The following SEC14L1 variants were observed in gnomAD, a reference collection of about 807,000 sequenced individuals.
SEC14L1 encodes SEC14 like lipid binding 1.
SEC14L1 carries 48 observed loss-of-function variants against 85.3 expected under a neutral mutation model. That is an observed-to-expected ratio of 0.56 (90% confidence interval 0.45 to 0.72). The LOEUF is 0.72. Among genes scored for constraint, SEC14L1 ranks in the 30% least tolerant of loss-of-function variants. SEC14L1 has a pLI of 0.00. For synonymous variants in SEC14L1, 391 were observed against 355.5 expected (o/e 1.10, Z -1.12); for missense variants, 682 against 921.4 (o/e 0.74, Z 3.36).
chr17:77,212,157 A>G lies in SEC14L1; in HGVS notation c.1819A>G (p.Met607Val), dbSNP rs748607738. 31 of 1,613,974 alleles carry G rather than the reference A, an allele frequency of 1.9e-5. No homozygotes were observed. Among genetic ancestry groups the G allele is most frequent in the East Asian group, 8.9e-5 (4 of 44,902 alleles). Residue 607 changes from methionine to valine, a missense_variant, in exon 15 of 17, where the codon ATG becomes GTG. Coordinates refer to ENST00000436233, the MANE Select transcript of SEC14L1 (RefSeq NM_001143998.2). ...KVWQLGRDYS[M>V]VESPLICKEG... is the part of the protein sequence containing the mutation. ...CTGGCAGCTGGGCCGCGACTACAGCATGGTGGAGTCGCCTCTGATCTGCAA... is the reference window on the plus strand; with the variant it reads ...CTGGCAGCTGGGCCGCGACTACAGCGTGGTGGAGTCGCCTCTGATCTGCAA...
At chr17:77,134,251 C>A (rs1462693964) in intron 3 of SEC14L1, among the ~76,000 whole-genome samples, 2 of 142,350 alleles carry the variant, frequency 1.4e-5, no homozygotes, top group Non-Finnish European at 3.1e-5. Flanking sequence ...CACACACACA[C>A]TTTTTTTTTT....
At chr17:77,161,272 G>T (rs78043512) in intron 3 of SEC14L1, among the ~76,000 whole-genome samples, 22,125 of 152,252 alleles carry the variant, frequency 0.15, 1,970 homozygotes, top group Middle Eastern at 0.21. Context: ...AGATAACTGG[G>T]GGTCAGGAGT....
chr17:77,213,439 G>A lies in SEC14L1; in HGVS notation c.1989G>A (p.Ser663=), dbSNP rs374878779. ...TGCTTGCGTCCCTGCAGGTCTCTTC[G>A]CACAAGTGTAAAGTGATGTACTACA... The part of the protein sequence containing the change: ...DDVLASLQVS[S]HKCKVMYYTE... Residue 663 remains serine, a synonymous_variant, in exon 16 of 17, where the codon TCG becomes TCA. Coordinates refer to ENST00000436233, the MANE Select transcript of SEC14L1 (RefSeq NM_001143998.2). This position sits in a 1 kb window ranked among gnomAD's most constrained non-coding sequence, Gnocchi z 7.1. 18 of 1,612,710 alleles carry A rather than the reference G, an allele frequency of 1.1e-5. No individual in the cohort carries two copies. The highest frequency in any genetic ancestry group is 4.5e-5 in the East Asian group (2 of 44,894).
chr17:77,138,462 A>C (rs1972856741), upstream of SEC14L1, among the ~76,000 whole-genome samples: 1 of 152,052 alleles, frequency 6.6e-6, no homozygotes, highest in Non-Finnish European at 1.5e-5. Context: ...TCTACTAAAA[A>C]TAAAAAAATT....
chr17:77,151,812 G>A (rs1454067650), intron 3 of SEC14L1, among the ~76,000 whole-genome samples: 1 of 151,976 alleles, frequency 6.6e-6, no homozygotes, highest in Non-Finnish European at 1.5e-5. Flanking sequence ...AGACCAGCCT[G>A]GGCAACGTGG....
chr17:77,146,435 T>C (rs540451718), intron 3 of SEC14L1, among the ~76,000 whole-genome samples: 2 of 152,332 alleles, frequency 1.3e-5, no homozygotes, highest in South Asian at 4.1e-4. Context: ...TTTCCCTTAC[T>C]TCACTATTTT....
intron 3 of SEC14L1, among the ~76,000 whole-genome samples, chr17:77,167,326 G>C (rs1374465891): frequency 6.6e-6 from 1 of 151,954 alleles, no homozygotes; most frequent in Non-Finnish European, 1.5e-5. Flanking sequence ...GCAGAGAAAG[G>C]GTTTTGCCAT....
chr17:77,091,624 G>GGCT (rs1401280499), intron 2 of SEC14L1, among the ~76,000 whole-genome samples: 1 of 152,134 alleles, frequency 6.6e-6, no homozygotes, highest in African/African-American at 2.4e-5. Context: ...TGTGGCTAGT[G>GGCT]GCTGCTGTGT....
chr17:77,182,573 A>T (rs1975085776), intron 3 of SEC14L1, among the ~76,000 whole-genome samples: 5 of 152,212 alleles, frequency 3.3e-5, no homozygotes, highest in Admixed American at 3.3e-4. Flanking sequence ...TTTAAAAAGG[A>T]TACATCAAAG....
chr17:77,113,979 C>T (rs1972109730), intron 3 of SEC14L1, among the ~76,000 whole-genome samples: 1 of 152,154 alleles, frequency 6.6e-6, no homozygotes, highest in African/African-American at 2.4e-5. Flanking sequence ...ATGTCCCCTA[C>T]CCTACTCACA....
intron 3 of SEC14L1, among the ~76,000 whole-genome samples, chr17:77,125,210 C>T (rs894335020): frequency 1.1e-4 from 16 of 151,754 alleles, no homozygotes; most frequent in African/African-American, 2.7e-4. Context: ...TTGGCCAGGC[C>T]GGTCTCGAAC....
intron 3 of SEC14L1, among the ~76,000 whole-genome samples, chr17:77,159,442 G>T (rs536139977): frequency 6.8e-6 from 1 of 147,040 alleles, no homozygotes; most frequent in South Asian, 2.2e-4. Context: ...GTGCAGTGGT[G>T]CGATCTCAGC....
At chr17:77,165,440 G>A (rs954470247) in intron 3 of SEC14L1, among the ~76,000 whole-genome samples, 1 of 152,076 alleles carries the variant, frequency 6.6e-6, no homozygotes, top group Non-Finnish European at 1.5e-5. Flanking sequence ...GGGACAACTC[G>A]AAGCAGGGAG....
At chr17:77,135,107 C>G (rs1284170325) in intron 3 of SEC14L1, among the ~76,000 whole-genome samples, 1 of 152,156 alleles carries the variant, frequency 6.6e-6, no homozygotes, top group Non-Finnish European at 1.5e-5. Context: ...ATTTCTCGTT[C>G]TGTTACCCAT....
At chr17:77,104,383 A>G (rs1971855812) in intron 3 of SEC14L1, among the ~76,000 whole-genome samples, 2 of 145,710 alleles carry the variant, frequency 1.4e-5, no homozygotes, top group African/African-American at 5.1e-5. Context: ...AGCCTCCCAA[A>G]GTGCTGGGAT....
intron 3 of SEC14L1, among the ~76,000 whole-genome samples, chr17:77,146,437 C>G (rs1460337794): frequency 6.6e-6 from 1 of 152,186 alleles, no homozygotes; most frequent in Non-Finnish European, 1.5e-5. Context: ...TCCCTTACTT[C>G]ACTATTTTCA....
At position 77,206,515 on chromosome 17, in the gene SEC14L1, A is replaced by G. The variant is rs752159531; in HGVS notation, c.1341+115A>G. The G allele has an allele frequency of 3.6e-5, 48 of 1,318,228 alleles. 1 individual carries two copies. Among genetic ancestry groups the G allele is most frequent in the Non-Finnish European group, 4.9e-5 (47 of 967,586 alleles). The allele number at this position is 1,318,228 out of a possible 1,614,324, so 81.7% of individuals were successfully genotyped here. A position where few individuals can be genotyped will look rare whatever the true frequency, so the allele number is the denominator to read the frequency against. ...TAACTTCTTAGGAAAAAAAACAATA[A>G]CATGCAAAGATATAAAATTTCTCAA... On this transcript the variant is annotated intron_variant, in intron 12 of 16. Coordinates refer to ENST00000436233, the MANE Select transcript of SEC14L1 (RefSeq NM_001143998.2). This position sits in a 1 kb window ranked among gnomAD's most constrained non-coding sequence, Gnocchi z 4.3.
chr17:77,205,515 T>A (rs553292250), intron 11 of SEC14L1, among the ~76,000 whole-genome samples, 169 bp downstream of exon 11: 1 of 152,322 alleles, frequency 6.6e-6, no homozygotes, highest in Admixed American at 6.5e-5. Context: ...AGTTAGTGTT[T>A]TTTGACCCCA....
At chr17:77,161,615 G>A (rs1019548033) in intron 3 of SEC14L1, among the ~76,000 whole-genome samples, 4 of 151,996 alleles carry the variant, frequency 2.6e-5, no homozygotes, top group Non-Finnish European at 5.9e-5. Context: ...TTAAAAGGAG[G>A]GTTTGTACAT....
Sources: allele counts gnomAD v4.1 joint callset (sites outside exome capture counted in the v4.1 genomes callset), GRCh38; gene constraint gnomAD v4.1.1; non-coding constraint Gnocchi (gnomAD v3.1); transcripts MANE v1.5; gene names NCBI Gene and HGNC (gene_info 2026-07-23, HGNC 2026-07-21).